Variants in ANTXR2 observed in about 807,000 individuals in gnomAD.
ANTXR2 encodes the protein ANTXR cell adhesion molecule 2.
Under a neutral mutation model 73.7 loss-of-function variants are expected in ANTXR2, and 44 were observed. The ratio of observed to expected loss-of-function variants is 0.60; its 90% CI spans 0.47 to 0.77. ANTXR2 has a LOEUF of 0.77. Ranked by LOEUF, ANTXR2 falls within the 30% of genes least tolerant of loss-of-function variation. The pLI is 0.00. For missense variants in ANTXR2, 604 were observed against 592.5 expected (o/e 1.02, Z -0.20); for synonymous variants, 217 against 205.9 (o/e 1.05, Z -0.46).
intron 16 of ANTXR2, among the ~76,000 whole-genome samples, chr4:79,915,814 G>GTC (rs1727321042): frequency 1.1e-5 from 1 of 93,104 alleles, no homozygotes; most frequent in Admixed American, 1.1e-4. Context: ...CTCTGTCTCT[G>GTC]TCTCTGTCTC....
rs540894989 is a variant in ANTXR2, at chr4:80,010,154, C to G, written c.946-1538G>C. Among the ~76,000 whole-genome samples, 18 of 152,090 alleles carry G rather than the reference C, an allele frequency of 1.2e-4. No individual in the cohort carries two copies. The East Asian group carries it at 2.3e-3, about 20-fold the overall frequency. On this transcript the variant is annotated intron_variant, in intron 11 of 16. Coordinates refer to ENST00000403729, the MANE Select transcript of ANTXR2 (RefSeq NM_058172.6). The stretch of plus-strand genomic sequence containing the variant: ...AATTTTCAGGCAAATACCTAAGTAG[C>G]CTGTTCTTAGAAAGAACATTCCAAA...
At chr4:80,018,148 T>C (rs895119226) in intron 11 of ANTXR2, among the ~76,000 whole-genome samples, 11 of 152,178 alleles carry the variant, frequency 7.2e-5, no homozygotes, top group Admixed American at 6.6e-4. Flanking sequence ...ATTTTGGTCT[T>C]TTGGAGGGCA....
chr4:80,042,629 T>C (rs1366861077), intron 7 of ANTXR2, among the ~76,000 whole-genome samples: 1 of 152,082 alleles, frequency 6.6e-6, no homozygotes, highest in African/African-American at 2.4e-5. Flanking sequence ...CATGAACTCA[T>C]TCATACTTTA....
At chr4:80,071,978 C>T (rs954280789) in intron 1 of ANTXR2, among the ~76,000 whole-genome samples, 1 of 152,202 alleles carries the variant, frequency 6.6e-6, no homozygotes, top group Non-Finnish European at 1.5e-5. Flanking sequence ...ATGCAAACCA[C>T]ATTGGGCATG....
At chr4:79,977,967 A>G in intron 15 of ANTXR2, 40 bp downstream of exon 15, 1 of 1,540,480 alleles carries the variant, frequency 6.5e-7, no homozygotes, top group Non-Finnish European at 8.7e-7. Flanking sequence ...CAATGTCTCC[A>G]GAAGTTTTGA....
intron 16 of ANTXR2, among the ~76,000 whole-genome samples, chr4:79,920,489 T>G (rs1727552629): frequency 6.6e-6 from 1 of 151,832 alleles, no homozygotes; most frequent in Non-Finnish European, 1.5e-5. Flanking sequence ...TGAATCAGAG[T>G]AAGAGGGCAC....
intron 12 of ANTXR2, among the ~76,000 whole-genome samples, chr4:80,001,293 T>C (rs1406616283): frequency 1.3e-5 from 2 of 149,602 alleles, no homozygotes; most frequent in Non-Finnish European, 3.0e-5. Context: ...ATTAGGTATA[T>C]CTCCCGATGC....
At chr4:79,928,395 T>C (rs989034783) in intron 16 of ANTXR2, among the ~76,000 whole-genome samples, 26 of 152,188 alleles carry the variant, frequency 1.7e-4, no homozygotes, top group Non-Finnish European at 2.9e-4. Flanking sequence ...GTAGGGAGTT[T>C]CAGTCTGGGA....
At chr4:79,922,755 T>C (rs1727637663) in intron 16 of ANTXR2, among the ~76,000 whole-genome samples, 1 of 152,046 alleles carries the variant, frequency 6.6e-6, no homozygotes. Flanking sequence ...AGTCAAATAT[T>C]GGGTCCAGAG....
intron 16 of ANTXR2, among the ~76,000 whole-genome samples, chr4:79,956,100 G>C (rs556612737): frequency 4.7e-4 from 71 of 152,236 alleles, no homozygotes; most frequent in Non-Finnish European, 6.0e-4. Context: ...TTCTTGTGAT[G>C]TAAAAATTCC....
At chr4:80,026,653 T>A (rs1732460608) in intron 10 of ANTXR2, among the ~76,000 whole-genome samples, 1 of 152,036 alleles carries the variant, frequency 6.6e-6, no homozygotes, top group Admixed American at 6.6e-5. Flanking sequence ...TTAGAAAGTA[T>A]TTCCTTATAT....
chr4:79,913,417 T>C (rs1727222228), intron 16 of ANTXR2, among the ~76,000 whole-genome samples: 1 of 152,204 alleles, frequency 6.6e-6, no homozygotes, highest in Non-Finnish European at 1.5e-5. Flanking sequence ...GTTAAAAATG[T>C]GTTTGTGTGT....
chr4:79,950,326 T>C (rs1728659500), intron 16 of ANTXR2, among the ~76,000 whole-genome samples: 1 of 152,110 alleles, frequency 6.6e-6, no homozygotes, highest in Non-Finnish European at 1.5e-5. Flanking sequence ...TAGACCCTCA[T>C]CTCTTAGTTA....
Position 80,072,576 on chromosome 4 carries a change from C to G in ANTXR2, c.-16G>C, listed in dbSNP as rs1734861159. 1 of 1,511,428 alleles carries G rather than the reference C, an allele frequency of 6.6e-7. No homozygotes were observed. Among genetic ancestry groups the G allele is most frequent in the Non-Finnish European group, 8.8e-7 (1 of 1,131,838 alleles). The allele number at this position is 1,511,428 out of a possible 1,614,324, so 93.6% of individuals were successfully genotyped here. A position where few individuals can be genotyped will look rare whatever the true frequency, so the allele number is the denominator to read the frequency against. ...CCGCCACCATCCTGCGGCCGGGGGC[C>G]TGAGACTCCCTCCCGCTCGCAGTCC... On this transcript the variant is annotated 5_prime_UTR_variant, in exon 1 of 17. Transcript: ENST00000403729.
rs1044487240 is a variant in ANTXR2, at chr4:79,905,623, C to A, written c.*1806G>T. The A allele has an allele frequency of 2.0e-5, 3 of 152,110 alleles. No individual in the cohort carries two copies. Among genetic ancestry groups the A allele is most frequent in the Admixed American group, 6.6e-5 (1 of 15,252 alleles). The allele number at this position is 152,110 out of a possible 1,614,324, so 9.4% of individuals were successfully genotyped here. On this transcript the variant is annotated 3_prime_UTR_variant, in exon 17 of 17. Transcript: ENST00000403729. ...TGTGGACACATGACTTTGGATCCAGCCAGCCAGTGACATAAATAAACTTGA... is the reference window on the plus strand; with the variant it reads ...TGTGGACACATGACTTTGGATCCAGACAGCCAGTGACATAAATAAACTTGA...
Position 79,978,115 on chromosome 4 carries a change from A to G in ANTXR2, c.1239T>C (p.Asn413=). Residue 413 remains asparagine (N), a synonymous_variant, in exon 15 of 17, where the codon AAT becomes AAC. Coordinates refer to ENST00000403729, the MANE Select transcript of ANTXR2 (RefSeq NM_058172.6). The part of the protein sequence containing the change: ...EEGARLEKAK[N]AVVKIPEETE... ...TTTCTTCAGGAATCTTCACCACAGC[A>G]TTTTTGGCTTTCTCTAGCCTTGCAC... The G allele has an allele frequency of 1.2e-6, 2 of 1,613,880 alleles. No homozygotes were observed. The highest frequency in any genetic ancestry group is 1.7e-6 in the Non-Finnish European group (2 of 1,179,862).
In ANTXR2 at chr4:80,021,114, A is replaced by ACC. The variant is rs370081595; in HGVS notation, c.867-2140_867-2139dup. Among the ~76,000 whole-genome samples the ACC allele has an allele frequency of 4.9e-3, 624 of 126,138 alleles. 8 individuals are homozygous for ACC. The highest frequency in any genetic ancestry group is 0.017 in the African/African-American group (590 of 35,064). The allele number at this position is 126,138 out of a possible 152,430, so 82.8% of individuals were successfully genotyped here. On this transcript the variant is annotated intron_variant, in intron 10 of 16. Transcript: ENST00000403729. The stretch of plus-strand genomic sequence containing the variant: ...CAGTGAGCCGAGATCACACCACTGC[A>ACC]CCCCCAGCCTGGGCGACAGAGCGAG...
intron 8 of ANTXR2, among the ~76,000 whole-genome samples, chr4:80,034,243 T>C (rs1327825166): frequency 1.3e-5 from 2 of 152,234 alleles, no homozygotes; most frequent in Non-Finnish European, 2.9e-5. Flanking sequence ...AGTGAGAGAA[T>C]AGGCTGGAAT....
intron 10 of ANTXR2, among the ~76,000 whole-genome samples, chr4:80,019,291 T>C (rs1247205270): frequency 1.3e-5 from 2 of 152,064 alleles, no homozygotes; most frequent in Non-Finnish European, 2.9e-5. Flanking sequence ...TGCTGGAACC[T>C]GGGAGGCGGA....
Sources: gnomAD v4.1 joint callset for allele counts (sites outside exome capture counted in the v4.1 genomes callset) on GRCh38, gnomAD v4.1.1 for gene constraint, MANE v1.5 for transcripts, NCBI Gene and HGNC (gene_info 2026-07-23, HGNC 2026-07-21) for gene names.